Variants in MALRD1 observed in about 807,000 individuals in gnomAD.
MALRD1 encodes MAM and LDL receptor class A domain containing 1, also known as MAM and LDL-receptor class A domain-containing protein 1.
In MALRD1, 247 loss-of-function variants were observed where a neutral mutation model predicts 242.1. The observed-to-expected ratio is 1.02, with a 90% CI of 0.92 to 1.13. MALRD1 has a LOEUF of 1.13. MALRD1 is among the 50% of genes most tolerant of loss of function. The pLI, the probability that MALRD1 is intolerant of heterozygous loss-of-function variation, is 0.00. For synonymous variants in MALRD1, 995 were observed against 866.6 expected, an observed-to-expected ratio of 1.15 and a Z score of -2.60; for missense variants, 2,989 against 2,533.1, an observed-to-expected ratio of 1.18 and a Z score of -3.86.
intron 19 of MALRD1, among the ~76,000 whole-genome samples, chr10:19,269,720 T>A (rs1840125028): frequency 6.6e-6 from 1 of 152,230 alleles, no homozygotes. Flanking sequence ...CTTTTAGTGC[T>A]CTTCTCTTCA....
chr10:19,414,907 G>C (rs192690237), intron 28 of MALRD1, among the ~76,000 whole-genome samples: 1 of 152,146 alleles, frequency 6.6e-6, no homozygotes, highest in Non-Finnish European at 1.5e-5. Context: ...AAAGACTACA[G>C]GTTTCATACT....
intron 38 of MALRD1, among the ~76,000 whole-genome samples, chr10:19,704,909 G>T (rs1833791719): frequency 6.6e-6 from 1 of 152,166 alleles, no homozygotes; most frequent in Non-Finnish European, 1.5e-5. Flanking sequence ...CACTTTGGGA[G>T]AACGAGGCAG....
intron 36 of MALRD1, among the ~76,000 whole-genome samples, chr10:19,619,111 G>T (rs1306555794): frequency 1.3e-5 from 2 of 152,038 alleles, no homozygotes; most frequent in Admixed American, 6.6e-5. Flanking sequence ...AATTTCACGT[G>T]TTCTAAAAGA....
At chr10:19,579,550 A>T (rs1274575113) in intron 33 of MALRD1, among the ~76,000 whole-genome samples, 1 of 152,198 alleles carries the variant, frequency 6.6e-6, no homozygotes, top group African/African-American at 2.4e-5. Context: ...ACAGCTTTCC[A>T]CTCATAGGAC....
At chr10:19,653,715 T>G (rs1430852227) in intron 36 of MALRD1, among the ~76,000 whole-genome samples, 1 of 152,226 alleles carries the variant, frequency 6.6e-6, no homozygotes, top group Non-Finnish European at 1.5e-5. Flanking sequence ...AAACTTCTTC[T>G]GTAAGCAGGT....
intron 21 of MALRD1, among the ~76,000 whole-genome samples, chr10:19,315,108 G>T (rs34768199): frequency 0.011 from 1,194 of 109,014 alleles, 7 homozygotes; most frequent in African/African-American, 0.024. Flanking sequence ...ATAATTTATA[G>T]AAATATGTAA....
intron 28 of MALRD1, among the ~76,000 whole-genome samples, chr10:19,432,852 T>C (rs1834196747): frequency 6.6e-6 from 1 of 152,236 alleles, no homozygotes; most frequent in South Asian, 2.1e-4. Flanking sequence ...AAACTTGCAA[T>C]ATCCAAAGGC....
At chr10:19,238,468 A>AC (rs373763200) in intron 18 of MALRD1, among the ~76,000 whole-genome samples, 2 of 38,052 alleles carry the variant, frequency 5.3e-5, no homozygotes. Flanking sequence ...TATATAATAT[A>AC]ATATATAATA....
intron 33 of MALRD1, among the ~76,000 whole-genome samples, chr10:19,578,632 C>T (rs1272444026): frequency 6.6e-6 from 1 of 151,630 alleles, no homozygotes; most frequent in Non-Finnish European, 1.5e-5. Flanking sequence ...GCGGAGGTTG[C>T]AGTGAGCTGA....
chr10:19,612,518 T>C (rs1838946638), intron 35 of MALRD1, among the ~76,000 whole-genome samples: 1 of 151,980 alleles, frequency 6.6e-6, no homozygotes, highest in Non-Finnish European at 1.5e-5. Context: ...TGCTTTCCTC[T>C]TTCTTAATGC....
At chr10:19,371,220 G>A (rs1374803711) in intron 26 of MALRD1, among the ~76,000 whole-genome samples, 2 of 151,900 alleles carry the variant, frequency 1.3e-5, no homozygotes, top group African/African-American at 2.4e-5. Context: ...CTGCACTTTA[G>A]CCTGGGCAAC....
At chr10:19,729,918 C>T (rs1835215793) in intron 38 of MALRD1, among the ~76,000 whole-genome samples, 1 of 150,956 alleles carries the variant, frequency 6.6e-6, no homozygotes, top group Non-Finnish European at 1.5e-5. Context: ...TTTGTATTTT[C>T]AGTAGAGACG....
chr10:19,356,051 G>A (rs549474109), intron 26 of MALRD1, among the ~76,000 whole-genome samples: 15 of 151,272 alleles, frequency 9.9e-5, no homozygotes, highest in African/African-American at 3.6e-4. Flanking sequence ...GAATTGGTTG[G>A]ATGAATGAGC....
chr10:19,449,259 G>A (rs141344565), intron 28 of MALRD1, among the ~76,000 whole-genome samples: 1,588 of 152,102 alleles, frequency 0.01, 11 homozygotes, highest in Non-Finnish European at 0.015. Context: ...TCACTGCAAC[G>A]CCTGCCTCCT....
intron 4 of MALRD1, among the ~76,000 whole-genome samples, chr10:19,094,367 G>A (rs370510786): frequency 1.0e-4 from 13 of 130,300 alleles, no homozygotes; most frequent in African/African-American, 2.8e-4. Flanking sequence ...AGGTGCGTCC[G>A]TCACCCCTTT....
chr10:19,064,098 A>G (rs1834901524), intron 1 of MALRD1, among the ~76,000 whole-genome samples: 1 of 152,196 alleles, frequency 6.6e-6, no homozygotes, highest in Non-Finnish European at 1.5e-5. Flanking sequence ...GCTTCCAAGC[A>G]ACCTTCCAAT....
chr10:19,719,993 G>C (rs1446998359), intron 38 of MALRD1, among the ~76,000 whole-genome samples: 1 of 152,066 alleles, frequency 6.6e-6, no homozygotes, highest in Non-Finnish European at 1.5e-5. Context: ...AGAATAGGTT[G>C]ACTTCATAGA....
At chr10:19,683,218 T>C (rs768849638) in intron 36 of MALRD1, among the ~76,000 whole-genome samples, 1 of 152,186 alleles carries the variant, frequency 6.6e-6, no homozygotes, top group Non-Finnish European at 1.5e-5. Flanking sequence ...TTTTACTCTT[T>C]CTAAGTCTTA....
rs191773658 is a variant in MALRD1, at chr10:19,136,681, C to T, written c.1311C>T (p.Asp437=). Residue 437 remains aspartate (D), a synonymous_variant, in exon 10 of 40, where the codon GAC becomes GAT. Coordinates refer to ENST00000454679, the MANE Select transcript of MALRD1 (RefSeq NM_001142308.3). ...QTQSRKLCSA[D]EFPCTSGQCI... is the part of the protein sequence containing the mutation. The stretch of plus-strand genomic sequence containing the variant: ...AATCCAGAAAGCTTTGCTCTGCAGA[C>T]GAATTCCCTTGCACTAGTGGCCAGT... The T allele has an allele frequency of 2.8e-5, 34 of 1,231,708 alleles. No individual in the cohort carries two copies. In the East Asian group the frequency reaches 6.9e-4, roughly 25 times the overall value. 76.3% of individuals were successfully genotyped at this position (1,231,708 alleles called of 1,614,324 possible).
Sources: allele counts gnomAD v4.1 joint callset (sites outside exome capture counted in the v4.1 genomes callset), GRCh38; gene constraint gnomAD v4.1.1; transcripts MANE v1.5; gene names NCBI Gene and HGNC (gene_info 2026-07-23, HGNC 2026-07-21).